SYNJ2: variants seen among roughly 807,000 people sequenced by gnomAD.
SYNJ2 encodes the protein synaptojanin 2.
Under a neutral mutation model 141.3 loss-of-function variants are expected in SYNJ2, and 116 were observed. The observed-to-expected ratio is 0.82, with a 90% CI of 0.71 to 0.96. SYNJ2 has a LOEUF of 0.96. Ranked by LOEUF, SYNJ2 falls within the 40% of genes least tolerant of loss-of-function variation. The probability of loss-of-function intolerance (pLI) is 0.00; values close to 1 mark genes in which losing one functional copy is unlikely to be tolerated. For synonymous variants in SYNJ2, 745 were observed against 777.7 expected, an observed-to-expected ratio of 0.96 and a Z score of 0.70; for missense variants, 1,873 against 1,934.8, an observed-to-expected ratio of 0.97 and a Z score of 0.60.
chr6:158,043,739 G>T lies in SYNJ2; in HGVS notation c.795+340G>T, dbSNP rs982847524. 6.6e-6 allele frequency among the ~76,000 whole-genome samples: 1 copy of T among 152,120 alleles called. No individual in the cohort carries two copies. The highest frequency in any genetic ancestry group is 2.1e-4 in the South Asian group (1 of 4,818). On this transcript the variant is annotated intron_variant, in intron 5 of 26. Transcript: ENST00000355585. The surrounding 1 kb of genome is among the most constrained non-coding windows in gnomAD (Gnocchi z 4.0). Reference sequence around the variant, plus strand: ...CTGCCTGAGGTTAGACCCTGAGTTCGGTGTACTGAGGACGTTTCTGAGAGC... The same window carrying T: ...CTGCCTGAGGTTAGACCCTGAGTTCTGTGTACTGAGGACGTTTCTGAGAGC...
Position 158,092,963 on chromosome 6 carries a change from G to C in SYNJ2, c.3603G>C (p.Arg1201Ser), listed in dbSNP as rs1783560122. 1 of 1,608,516 alleles carries C rather than the reference G, an allele frequency of 6.2e-7. No homozygotes were observed. Among genetic ancestry groups the C allele is most frequent in the South Asian group, 1.1e-5 (1 of 90,696 alleles). The part of the protein sequence containing the change: ...SEEALSAVAP[R>S]DLEASSEPEP... Reference sequence around the variant, plus strand: ...AAGCCCTAAGTGCCGTGGCCCCAAGGGACCTTGAAGCATCCTCTGAACCAG... The same window carrying C: ...AAGCCCTAAGTGCCGTGGCCCCAAGCGACCTTGAAGCATCCTCTGAACCAG... The change falls in exon 26 of 27, where the codon AGG (arginine) becomes AGC (serine). Residue 1201 changes from arginine to serine, a missense_variant. By Grantham distance (110) the Arg-to-Ser change is moderately radical. Coordinates refer to ENST00000355585, the MANE Select transcript of SYNJ2 (RefSeq NM_003898.4).
upstream of SYNJ2, among the ~76,000 whole-genome samples, chr6:157,981,727 G>C (rs1351719425): frequency 6.6e-6 from 1 of 151,814 alleles, no homozygotes; most frequent in Non-Finnish European, 1.5e-5. This position sits in a 1 kb window ranked among gnomAD's most constrained non-coding sequence, Gnocchi z 6.4. Context: ...CCTGGCCGCT[G>C]GGGGGAGCGC....
At chr6:158,067,476 A>G in intron 12 of SYNJ2, 1 of 985,476 alleles carries the variant, frequency 1.0e-6, no homozygotes, top group Non-Finnish European at 1.2e-6. Flanking sequence ...CTTGTAAGAT[A>G]CACTATTGAA....
intron 4 of SYNJ2, among the ~76,000 whole-genome samples, chr6:158,036,497 A>T (rs541715005): frequency 1.3e-5 from 2 of 152,306 alleles, no homozygotes; most frequent in East Asian, 3.9e-4. Flanking sequence ...CCATTACCCT[A>T]AGCAGACTAA....
chr6:158,025,485 G>A (rs1778993225), intron 2 of SYNJ2, among the ~76,000 whole-genome samples: 1 of 151,978 alleles, frequency 6.6e-6, no homozygotes, highest in Non-Finnish European at 1.5e-5. Flanking sequence ...AGACCAGCCT[G>A]GCCAACATGG....
At chr6:157,981,790 C>T (rs936867019), upstream of SYNJ2, 12 of 517,848 alleles carry the variant, frequency 2.3e-5, no homozygotes, top group South Asian at 9.5e-5. The surrounding 1 kb of genome is among the most constrained non-coding windows in gnomAD (Gnocchi z 6.4). Context: ...GCTGGGGAGG[C>T]GCGAGTGGGG....
chr6:158,026,247 G>A (rs1382763329), intron 2 of SYNJ2, among the ~76,000 whole-genome samples: 5 of 152,208 alleles, frequency 3.3e-5, no homozygotes, highest in Non-Finnish European at 5.9e-5. Flanking sequence ...GGTGTAATTA[G>A]GAGCACCAGC....
intron 20 of SYNJ2, among the ~76,000 whole-genome samples, 200 bp downstream of exon 20, chr6:158,081,710 C>T (rs1266212247): frequency 6.9e-6 from 1 of 145,548 alleles, no homozygotes; most frequent in Non-Finnish European, 1.5e-5. Flanking sequence ...CAGCCTTGAA[C>T]TGCCAGGCTT....
At position 158,065,036 on chromosome 6, in the gene SYNJ2, C is replaced by T. The variant is rs755027529; in HGVS notation, c.1525+45C>T. 9.5e-6 allele frequency: 14 copies of T among 1,474,714 alleles called. No individual in the cohort carries two copies. In the African/African-American group the frequency reaches 2.0e-4, roughly 21 times the overall value. 91.4% of individuals were successfully genotyped at this position (1,474,714 alleles called of 1,614,324 possible). On this transcript the variant is annotated intron_variant, in intron 11 of 26. Coordinates refer to ENST00000355585, the MANE Select transcript of SYNJ2 (RefSeq NM_003898.4). ...GGGCGAGGCAGGGAGGTAGGGTGCTCCCCAGCCCCACTTTCCCACCGCCTC... is the reference window on the plus strand; with the variant it reads ...GGGCGAGGCAGGGAGGTAGGGTGCTTCCCAGCCCCACTTTCCCACCGCCTC...
intron 1 of SYNJ2, among the ~76,000 whole-genome samples, chr6:157,998,934 T>A (rs1777733157): frequency 6.6e-6 from 1 of 152,092 alleles, no homozygotes; most frequent in African/African-American, 2.4e-5. Flanking sequence ...AATGATAGAT[T>A]TGACTACATA....
Position 158,070,259 on chromosome 6 carries a change from T to A in SYNJ2, c.1940+586T>A. 1.0e-6 allele frequency: 1 copy of A among 985,512 alleles called. No individual in the cohort carries two copies. Among genetic ancestry groups the A allele is most frequent in the Non-Finnish European group, 1.2e-6 (1 of 830,012 alleles). The allele number at this position is 985,512 out of a possible 1,614,324, so 61.0% of individuals were successfully genotyped here. A position where few individuals can be genotyped will look rare whatever the true frequency, so the allele number is the denominator to read the frequency against. On this transcript the variant is annotated intron_variant, in intron 14 of 26. Transcript: ENST00000355585. The surrounding 1 kb of genome is among the most constrained non-coding windows in gnomAD (Gnocchi z 4.0). ...CTTACCACCTGGGCCTACCCATGGC[T>A]TTTGAATTTCCACCAGCCTTTCGGC...
chr6:158,027,428 C>A lies in SYNJ2; in HGVS notation c.215-1328C>A, dbSNP rs192495694. 1 of 158,628 alleles carries A rather than the reference C, an allele frequency of 6.3e-6. No individual in the cohort carries two copies. The highest frequency in any genetic ancestry group is 1.4e-5 in the Non-Finnish European group (1 of 73,880). 9.8% of individuals were successfully genotyped at this position (158,628 alleles called of 1,614,324 possible). A position where few individuals can be genotyped will look rare whatever the true frequency, so the allele number is the denominator to read the frequency against. ...GTCCCGAGAGTGAGGCACGGCGCCA[C>A]CAGGCACCCCCGATACGCAGCGTGT... is the stretch of plus-strand genomic sequence containing the variant. On this transcript the variant is annotated intron_variant, in intron 2 of 26. Transcript: ENST00000355585. The surrounding 1 kb of genome is among the most constrained non-coding windows in gnomAD (Gnocchi z 4.6).
At chr6:157,984,807 C>T (rs1777138008) in intron 1 of SYNJ2, among the ~76,000 whole-genome samples, 3 of 152,180 alleles carry the variant, frequency 2.0e-5, no homozygotes, top group Admixed American at 1.3e-4. Context: ...GACCTTTCAC[C>T]CTTTCCTTGA....
intron 1 of SYNJ2, among the ~76,000 whole-genome samples, chr6:157,990,733 A>C (rs528691719): frequency 6.6e-6 from 1 of 152,330 alleles, no homozygotes; most frequent in Non-Finnish European, 1.5e-5. Context: ...CTGTCTGTGA[A>C]TGCTAAGGCG....
Position 158,059,963 on chromosome 6 carries a change from CT to C in SYNJ2, c.954+613del, listed in dbSNP as rs1167021024. Among the ~76,000 whole-genome samples, 4 of 152,316 alleles carry C rather than the reference CT, an allele frequency of 2.6e-5. No individual in the cohort carries two copies. The East Asian group carries it at 7.7e-4, about 29-fold the overall frequency. ...TCCCTTACCCTCCCTCCCCATGGGG[CT>C]TTGAGGGCTTCTGACCTCTCAAGGT... is the stretch of plus-strand genomic sequence containing the variant. On this transcript the variant is annotated intron_variant, in intron 7 of 26. Coordinates refer to ENST00000355585, the MANE Select transcript of SYNJ2 (RefSeq NM_003898.4).
upstream of SYNJ2, chr6:157,981,755 G>C: frequency 2.7e-6 from 1 of 372,492 alleles, no homozygotes; most frequent in Non-Finnish European, 4.5e-6. This position sits in a 1 kb window ranked among gnomAD's most constrained non-coding sequence, Gnocchi z 6.4. Flanking sequence ...GGCGGGAGGC[G>C]GCGGCGCGCC....
intron 1 of SYNJ2, among the ~76,000 whole-genome samples, chr6:157,995,979 G>C (rs897314109): frequency 6.6e-6 from 1 of 152,204 alleles, no homozygotes; most frequent in Non-Finnish European, 1.5e-5. Context: ...TATGTTCTTG[G>C]AGTGGGAACA....
chr6:158,014,963 G>T (rs927920210), intron 1 of SYNJ2, among the ~76,000 whole-genome samples: 2 of 152,204 alleles, frequency 1.3e-5, no homozygotes, highest in Non-Finnish European at 2.9e-5. Flanking sequence ...GTGCCTTTGA[G>T]GGGGATGGGG....
intron 4 of SYNJ2, among the ~76,000 whole-genome samples, chr6:158,041,420 C>T (rs1466400425): frequency 2.6e-5 from 4 of 152,188 alleles, no homozygotes; most frequent in Non-Finnish European, 5.9e-5. Flanking sequence ...ATGCCTACTG[C>T]CTTGGGAACA....
Sources: allele counts gnomAD v4.1 joint callset (sites outside exome capture counted in the v4.1 genomes callset), GRCh38; gene constraint gnomAD v4.1.1; non-coding constraint Gnocchi (gnomAD v3.1); transcripts MANE v1.5; gene names NCBI Gene and HGNC (gene_info 2026-07-23, HGNC 2026-07-21).